PDGFRB: variants seen among roughly 807,000 people sequenced by gnomAD.
PDGFRB encodes the protein platelet derived growth factor receptor beta, also known as platelet-derived growth factor receptor beta.
In PDGFRB, 42 loss-of-function variants were observed where a neutral mutation model predicts 120.2. The ratio of observed to expected loss-of-function variants is 0.35; its 90% confidence interval spans 0.27 to 0.45. The LOEUF is 0.45. Ranked by LOEUF, PDGFRB falls within the 20% of genes least tolerant of loss-of-function variation. The pLI is 1.00. For missense variants in PDGFRB, 1,149 were observed against 1,476.3 expected, an observed-to-expected ratio of 0.78 and a Z score of 3.63; for synonymous variants, 586 against 606.8, an observed-to-expected ratio of 0.97 and a Z score of 0.50.
At position 150,115,687 on chromosome 5, in the gene PDGFRB, C is replaced by T. The variant is rs1350521937; in HGVS notation, c.*76G>A. The T allele has an allele frequency of 2.7e-5, 38 of 1,387,438 alleles. No homozygotes were observed. The highest frequency in any genetic ancestry group is 2.4e-4 in the South Asian group (16 of 67,658). 85.9% of individuals were successfully genotyped at this position (1,387,438 alleles called of 1,614,324 possible). ...AGGGCAGCCTGGCTGACAGGAAGCC[C>T]GGTCAGGCCAGGCCAGGAGATGCTG... On this transcript the variant is annotated 3_prime_UTR_variant, in exon 23 of 23. Transcript: ENST00000261799.
Position 150,121,385 on chromosome 5 carries a change from C to T in PDGFRB, c.2345-63G>A. 2.4e-6 allele frequency: 2 copies of T among 816,732 alleles called. No homozygotes were observed. The highest frequency in any genetic ancestry group is 2.2e-6 in the Non-Finnish European group (1 of 452,224). 50.6% of individuals were successfully genotyped at this position (816,732 alleles called of 1,614,324 possible). On this transcript the variant is annotated intron_variant, in intron 16 of 22. Transcript: ENST00000261799. This position sits in a 1 kb window ranked among gnomAD's most constrained non-coding sequence, Gnocchi z 4.1. ...CTCCTTCTGGCCCACAGGACCCCTG[C>T]CCTTTGGCTCCTGGGAGACTGAATG...
At chr5:150,130,716 G>C (rs1174430059) in intron 8 of PDGFRB, 54 bp from the exon 9 acceptor site, 1 of 1,570,058 alleles carries the variant, frequency 6.4e-7, no homozygotes, top group African/African-American at 1.4e-5. Flanking sequence ...CAGTTAACAG[G>C]ACAGGTCCTC....
chr5:150,150,589 C>A (rs910479514), intron 1 of PDGFRB, among the ~76,000 whole-genome samples: 3 of 106,768 alleles, frequency 2.8e-5, no homozygotes, highest in African/African-American at 3.3e-5. Flanking sequence ...GGTGGGCTAC[C>A]CCAGGAAGCA....
At chr5:150,134,579 C>T (rs950899329) in intron 4 of PDGFRB, 171 bp downstream of exon 4, 19 of 638,908 alleles carry the variant, frequency 3.0e-5, no homozygotes, top group Admixed American at 6.8e-5. Context: ...CCTCTCTCTG[C>T]GCCTGAGTTT....
chr5:150,135,547 G>A lies in PDGFRB; in HGVS notation c.364+8C>T. 1 of 1,574,184 alleles carries A rather than the reference G, an allele frequency of 6.4e-7. No individual in the cohort carries two copies. The highest frequency in any genetic ancestry group is 8.7e-7 in the Non-Finnish European group (1 of 1,151,284). ...TAAGGAGTGGGCACACAGGCTGGGA[G>A]CCCTTACCTGGCACAAAGATGTAGA... On this transcript the variant is annotated splice_region_variant and intron_variant, in intron 3 of 22. Coordinates refer to ENST00000261799, the MANE Select transcript of PDGFRB (RefSeq NM_002609.4).
intron 22 of PDGFRB, 74 bp downstream of exon 22, chr5:150,117,544 G>GCGCACGCACACA (rs369019315): frequency 4.8e-5 from 25 of 516,460 alleles, no homozygotes; most frequent in Non-Finnish European, 7.3e-5. Context: ...GCGCGCGCGC[G>GCGCACGCACACA]CACACACACA....
intron 2 of PDGFRB, 143 bp from the exon 3 acceptor site, chr5:150,136,021 A>G (rs1760621066): frequency 1.8e-6 from 1 of 566,546 alleles, no homozygotes; most frequent in South Asian, 3.3e-5. Flanking sequence ...GGGGCTCTCC[A>G]GCCATGGCTC....
At chr5:150,135,335 G>A (rs947281033) in intron 3 of PDGFRB, among the ~76,000 whole-genome samples, 2 of 152,166 alleles carry the variant, frequency 1.3e-5, no homozygotes, top group African/African-American at 4.8e-5. Flanking sequence ...TAGAGTTCTT[G>A]GGAGGCAGGA....
In PDGFRB at chr5:150,117,693, T is replaced by C; in HGVS notation, c.3062A>G (p.Tyr1021Cys). 1 of 1,613,736 alleles carries C rather than the reference T, an allele frequency of 6.2e-7. No homozygotes were observed. The change falls in exon 22 of 23, where the codon TAT becomes TGT. Residue 1021 changes from tyrosine (Y) to cysteine (C), a missense_variant. This residue lies in a region of PDGFRB where 202 missense variants were observed against 214.3 expected (regional missense o/e 0.94). Transcript: ENST00000261799. The stretch of plus-strand genomic sequence containing the variant: ...TTTGGGGTCAGGCAGGGGGATGATA[T>C]AGTCGTTGTCACCCTCATTGGGCTG... ...AVQPNEGDND[Y>C]IIPLPDPKPE...
intron 1 of PDGFRB, among the ~76,000 whole-genome samples, chr5:150,150,007 A>G (rs1370796956): frequency 6.6e-6 from 1 of 152,184 alleles, no homozygotes; most frequent in Non-Finnish European, 1.5e-5. Flanking sequence ...CCACTTTATT[A>G]TAAGAGGAAA....
At chr5:150,138,754 A>T (rs1430369180) in intron 1 of PDGFRB, among the ~76,000 whole-genome samples, 1 of 152,212 alleles carries the variant, frequency 6.6e-6, no homozygotes. Context: ...CGGAGCCAGC[A>T]GCCCCCACAG....
At chr5:150,116,873 G>A (rs537059373) in intron 22 of PDGFRB, among the ~76,000 whole-genome samples, 27 of 152,260 alleles carry the variant, frequency 1.8e-4, no homozygotes, top group Non-Finnish European at 3.5e-4. Context: ...ACTGAGGCTC[G>A]CAGAGGAGAA....
intron 1 of PDGFRB, among the ~76,000 whole-genome samples, chr5:150,146,919 C>G (rs1760938831): frequency 6.6e-6 from 1 of 152,180 alleles, no homozygotes; most frequent in South Asian, 2.1e-4. Context: ...GGAGGCCTGC[C>G]CCGGGTCACC....
intron 1 of PDGFRB, among the ~76,000 whole-genome samples, chr5:150,146,838 G>T (rs540249475): frequency 6.6e-6 from 1 of 152,330 alleles, no homozygotes; most frequent in South Asian, 2.1e-4. Flanking sequence ...CGGAATCCAG[G>T]ATCTCAGGGA....
chr5:150,145,780 AAT>A (rs1760905644), intron 1 of PDGFRB, among the ~76,000 whole-genome samples: 1 of 152,196 alleles, frequency 6.6e-6, no homozygotes, highest in African/African-American at 2.4e-5. Context: ...GGGAGCCTGT[AAT>A]CCCAGCTTCT....
At position 150,121,365 on chromosome 5, in the gene PDGFRB, T is replaced by C. The variant is rs776579562; in HGVS notation, c.2345-43A>G. ...GGTCACCTGCTATCTTATATCTCCT[T>C]CTGGCCCACAGGACCCCTGCCCTTT... On this transcript the variant is annotated intron_variant, in intron 16 of 22. Coordinates refer to ENST00000261799, the MANE Select transcript of PDGFRB (RefSeq NM_002609.4). The surrounding 1 kb of genome is among the most constrained non-coding windows in gnomAD (Gnocchi z 4.1). 8.7e-6 allele frequency: 8 copies of C among 918,638 alleles called. No individual in the cohort carries two copies. Among genetic ancestry groups the C allele is most frequent in the South Asian group, 7.8e-5 (6 of 77,212 alleles). 56.9% of individuals were successfully genotyped at this position (918,638 alleles called of 1,614,324 possible).
In PDGFRB at chr5:150,121,890, G is replaced by A. The variant is rs539583774; in HGVS notation, c.2334C>T (p.Tyr778=). The change falls in exon 16 of 23, where the codon TAC becomes TAT. Residue 778 remains tyrosine (Y), a synonymous_variant. Coordinates refer to ENST00000261799, the MANE Select transcript of PDGFRB (RefSeq NM_002609.4). This position sits in a 1 kb window ranked among gnomAD's most constrained non-coding sequence, Gnocchi z 4.1. ...ACTATGTCCACCCACCAGAGGGAAC[G>A]TAGTTATCGTAAGGGGCCATGTAGT... The part of the protein sequence containing the change: ...SSNYMAPYDN[Y]VPSAPERTCR... The A allele has an allele frequency of 1.6e-5, 26 of 1,611,668 alleles. No homozygotes were observed. The highest frequency in any genetic ancestry group is 6.6e-5 in the South Asian group (6 of 91,026).
chr5:150,117,331 A>T (rs955607877), intron 22 of PDGFRB, among the ~76,000 whole-genome samples: 8 of 152,096 alleles, frequency 5.3e-5, no homozygotes, highest in Non-Finnish European at 8.8e-5. Flanking sequence ...GAGATAAGAG[A>T]GTATAGATAA....
intron 22 of PDGFRB, 75 bp downstream of exon 22, chr5:150,117,543 C>T (rs7713053): frequency 6.2e-5 from 28 of 451,844 alleles, no homozygotes; most frequent in Non-Finnish European, 4.6e-5. Context: ...CGCGCGCGCG[C>T]GCACACACAC....
Sources: gnomAD v4.1 joint callset for allele counts (sites outside exome capture counted in the v4.1 genomes callset) on GRCh38, gnomAD v4.1.1 for gene constraint, gnomAD v4.1.1 regional missense constraint, Gnocchi (gnomAD v3.1) non-coding constraint, MANE v1.5 for transcripts, NCBI Gene and HGNC (gene_info 2026-07-23, HGNC 2026-07-21) for gene names.